Variants in NIPBL observed in about 807,000 individuals in gnomAD.
NIPBL encodes NIPBL cohesin loading factor.
A neutral mutation model predicts 321.8 loss-of-function variants in NIPBL; 19 were observed. That is an observed-to-expected ratio of 0.06 (90% CI 0.04 to 0.09). NIPBL has a LOEUF of 0.09. Among genes scored for constraint, NIPBL ranks in the 10% least tolerant of loss-of-function variants. The pLI is 1.00. For synonymous variants in NIPBL, 1,106 were observed against 1,114.1 expected (o/e 0.99, Z 0.14); for missense variants, 2,210 against 3,327.0 (o/e 0.66, Z 8.26).
intron 1 of NIPBL, among the ~76,000 whole-genome samples, chr5:36,890,418 T>C (rs1349886258): frequency 6.6e-6 from 1 of 152,238 alleles, no homozygotes; most frequent in Non-Finnish European, 1.5e-5. Context: ...ACATCTTAAT[T>C]CATTCAGTAG....
intron 14 of NIPBL, among the ~76,000 whole-genome samples, chr5:37,001,408 T>C (rs897335557): frequency 2.0e-5 from 3 of 152,118 alleles, no homozygotes; most frequent in Admixed American, 6.6e-5. Flanking sequence ...TTAAAAACTT[T>C]AGTACAAAAC....
intron 8 of NIPBL, among the ~76,000 whole-genome samples, chr5:36,973,547 A>C (rs1743115723): frequency 6.6e-6 from 1 of 151,834 alleles, no homozygotes; most frequent in Admixed American, 6.6e-5. Flanking sequence ...GGCTCACTGC[A>C]ATCTCCACCT....
chr5:36,926,139 T>C (rs1749344479), intron 1 of NIPBL, among the ~76,000 whole-genome samples: 1 of 152,218 alleles, frequency 6.6e-6, no homozygotes, highest in Non-Finnish European at 1.5e-5. Context: ...TTGAACACTG[T>C]AAATGTACCT....
chr5:37,064,108 TAGAG>T (rs1305684251), intron 46 of NIPBL, 130 bp downstream of exon 46: 17 of 1,461,040 alleles, frequency 1.2e-5, no homozygotes, highest in East Asian at 7.4e-5. Context: ...ATTTTGTAGA[TAGAG>T]ATTCTCTACT....
At chr5:36,970,688 T>C (rs1347886640) in intron 6 of NIPBL, among the ~76,000 whole-genome samples, 188 bp from the exon 7 acceptor site, 2 of 152,040 alleles carry the variant, frequency 1.3e-5, no homozygotes, top group Non-Finnish European at 2.9e-5. Flanking sequence ...TGTAATGTTT[T>C]AGTTCTTTTC....
chr5:36,925,272 CT>C (rs11386035), intron 1 of NIPBL, among the ~76,000 whole-genome samples: 67 of 145,536 alleles, frequency 4.6e-4, no homozygotes, highest in Non-Finnish European at 3.8e-4. Flanking sequence ...TAATTCATTA[CT>C]TTTTTTTTTT....
intron 3 of NIPBL, among the ~76,000 whole-genome samples, chr5:36,956,193 T>G (rs1485751150): frequency 6.6e-6 from 1 of 152,012 alleles, no homozygotes; most frequent in Non-Finnish European, 1.5e-5. Context: ...ATCACGCCAC[T>G]GCACTCCAGC....
Position 36,877,180 on chromosome 5 carries a change from TAA to T in NIPBL, c.-80+4_-80+5del, listed in dbSNP as rs532015680. 4.2e-6 allele frequency: 1 copy of T among 237,942 alleles called. No individual in the cohort carries two copies. Among genetic ancestry groups the T allele is most frequent in the Non-Finnish European group, 8.0e-6 (1 of 124,876 alleles). 14.7% of individuals were successfully genotyped at this position (237,942 alleles called of 1,614,324 possible). A position where few individuals can be genotyped will look rare whatever the true frequency, so the allele number is the denominator to read the frequency against. On this transcript the variant is annotated splice_donor_region_variant and intron_variant, in intron 1 of 46. Coordinates refer to ENST00000282516, the MANE Select transcript of NIPBL (RefSeq NM_133433.4). ...GGATTCAGACGCCGATTCGCCCAGGTAAATTCCTGCTCTTTATTTCGGCGGCG... is the reference window on the plus strand; with the variant it reads ...GGATTCAGACGCCGATTCGCCCAGGTATTCCTGCTCTTTATTTCGGCGGCG...
chr5:36,945,970 A>C (rs1039759947), intron 1 of NIPBL, among the ~76,000 whole-genome samples: 1 of 152,128 alleles, frequency 6.6e-6, no homozygotes, highest in African/African-American at 2.4e-5. Context: ...TTATTTACTT[A>C]ACCTGTGTAG....
At chr5:36,964,910 G>A (rs1742035603) in intron 6 of NIPBL, among the ~76,000 whole-genome samples, 1 of 152,060 alleles carries the variant, frequency 6.6e-6, no homozygotes, top group Admixed American at 6.6e-5. Flanking sequence ...TCAATGGCCA[G>A]CAGATACAGC....
intron 1 of NIPBL, among the ~76,000 whole-genome samples, chr5:36,882,241 C>T (rs187338201): frequency 5.3e-5 from 8 of 151,938 alleles, no homozygotes; most frequent in Admixed American, 1.3e-4. Flanking sequence ...TACTGTACAA[C>T]GTCACTTGAA....
intron 25 of NIPBL, among the ~76,000 whole-genome samples, chr5:37,019,992 C>G (rs932267344): frequency 6.6e-6 from 1 of 152,156 alleles, no homozygotes; most frequent in African/African-American, 2.4e-5. Context: ...TTCAAAGGAA[C>G]AGATTTACAG....
intron 1 of NIPBL, among the ~76,000 whole-genome samples, chr5:36,896,617 T>C (rs1746755559): frequency 6.6e-6 from 1 of 152,226 alleles, no homozygotes; most frequent in Non-Finnish European, 1.5e-5. Context: ...TTGTTTGTTT[T>C]GAGACAAACT....
At chr5:36,880,176 G>A (rs1014265512) in intron 1 of NIPBL, among the ~76,000 whole-genome samples, 1 of 151,856 alleles carries the variant, frequency 6.6e-6, no homozygotes, top group Admixed American at 6.6e-5. Flanking sequence ...ACTTGCAGCC[G>A]AAAAATGTAT....
At position 36,876,818 on chromosome 5, in the gene NIPBL, C is replaced by T; in HGVS notation, c.-440C>T. ...GAACGAGAGAGAGACACACACAGGGCTCCTTCCCCCCGCCCTCCCCCCCCT... is the reference window on the plus strand; with the variant it reads ...GAACGAGAGAGAGACACACACAGGGTTCCTTCCCCCCGCCCTCCCCCCCCT... On this transcript the variant is annotated 5_prime_UTR_variant, in exon 1 of 47. Coordinates refer to ENST00000282516, the MANE Select transcript of NIPBL (RefSeq NM_133433.4). The T allele has an allele frequency of 2.6e-6, 1 of 389,818 alleles. No homozygotes were observed. 24.1% of individuals were successfully genotyped at this position (389,818 alleles called of 1,614,324 possible).
chr5:36,928,446 T>A (rs796299772), intron 1 of NIPBL, among the ~76,000 whole-genome samples: 2 of 152,336 alleles, frequency 1.3e-5, no homozygotes, highest in African/African-American at 4.8e-5. Context: ...AATAAATGTT[T>A]TTACTAACTA....
chr5:37,064,832 T>TA lies in NIPBL; in HGVS notation c.8357dup (p.Asn2786LysfsTer2). ...CTCTAACGAGTGCTAATAAGCTGAC[T>TA]AATAAAGTTGTTCAGACTTTACGAT... On this transcript the variant is annotated frameshift_variant, in exon 47 of 47. Transcript: ENST00000282516. LOFTEE classifies it high-confidence loss of function. The TA allele has an allele frequency of 6.2e-7, 1 of 1,614,192 alleles. No individual in the cohort carries two copies. Among genetic ancestry groups the TA allele is most frequent in the African/African-American group, 1.3e-5 (1 of 75,052 alleles).
chr5:37,065,094 C>A lies in NIPBL; in HGVS notation c.*202C>A. ...GTGCAGCAGAAACAGATTCTCAGTT[C>A]ATTTTTACTCCCACTGTATTATAGT... On this transcript the variant is annotated 3_prime_UTR_variant, in exon 47 of 47. Transcript: ENST00000282516. 1.6e-6 allele frequency: 1 copy of A among 617,746 alleles called. No individual in the cohort carries two copies. Among genetic ancestry groups the A allele is most frequent in the Non-Finnish European group, 2.8e-6 (1 of 355,086 alleles). 38.3% of individuals were successfully genotyped at this position (617,746 alleles called of 1,614,324 possible).
chr5:36,963,081 T>C (rs1002589612), intron 6 of NIPBL, among the ~76,000 whole-genome samples: 2 of 152,172 alleles, frequency 1.3e-5, no homozygotes, highest in East Asian at 3.8e-4. Flanking sequence ...TCTTACTTGA[T>C]TACTAGTTCT....
Sources: gnomAD v4.1 joint callset for allele counts (sites outside exome capture counted in the v4.1 genomes callset) on GRCh38, gnomAD v4.1.1 for gene constraint, MANE v1.5 for transcripts, NCBI Gene and HGNC (gene_info 2026-07-23, HGNC 2026-07-21) for gene names.